Variants in TMEM114 observed in about 807,000 individuals in gnomAD.
TMEM114 encodes the protein transmembrane protein 114.
Under a neutral mutation model 6.2 loss-of-function variants are expected in TMEM114, and 6 were observed. The observed-to-expected ratio is 0.97, with a 90% CI of 0.53 to 1.91. The LOEUF (loss-of-function observed/expected upper bound fraction) is 1.91. Ranked by LOEUF, TMEM114 falls within the 40% of genes most tolerant of loss-of-function variation. The pLI is 0.01. For synonymous variants in TMEM114, 104 were observed against 73.0 expected (o/e 1.42, Z -2.16); for missense variants, 218 against 158.3 (o/e 1.38, Z -2.02).
At chr16:8,528,194 C>A in the TMEM114 span, among the ~76,000 whole-genome samples, 2 of 152,042 alleles carry the variant, frequency 1.3e-5, no homozygotes, top group African/African-American at 4.8e-5. Context: ...AGCCACCATG[C>A]CAGAACTAGT....
intron 2 of TMEM114, among the ~76,000 whole-genome samples, chr16:8,544,910 C>T (rs1036868352): frequency 1.4e-5 from 2 of 146,840 alleles, no homozygotes; most frequent in South Asian, 2.2e-4. Context: ...TACTCTTCTC[C>T]TCAACATCTT....
At chr16:8,541,998 C>A (rs1242047111) in intron 2 of TMEM114, among the ~76,000 whole-genome samples, 1 of 152,160 alleles carries the variant, frequency 6.6e-6, no homozygotes, top group African/African-American at 2.4e-5. Flanking sequence ...CACCACCCTG[C>A]GAGGCAGCTT....
intron 2 of TMEM114, among the ~76,000 whole-genome samples, chr16:8,550,365 C>T (rs926211529): frequency 3.3e-5 from 5 of 152,180 alleles, no homozygotes; most frequent in Admixed American, 1.3e-4. Flanking sequence ...GAATTTTGTT[C>T]GTGTTCTCTG....
At chr16:8,527,994 G>T in the TMEM114 span, among the ~76,000 whole-genome samples, 1 of 152,144 alleles carries the variant, frequency 6.6e-6, no homozygotes, top group Non-Finnish European at 1.5e-5. Context: ...TGCAACCTCT[G>T]CCTCCCAGGC....
intron 2 of TMEM114, among the ~76,000 whole-genome samples, chr16:8,577,719 G>A (rs951269032): frequency 6.6e-6 from 1 of 151,982 alleles, no homozygotes; most frequent in Non-Finnish European, 1.5e-5. Context: ...GAGGAGCTGG[G>A]ACTATAGGCG....
downstream of TMEM114, among the ~76,000 whole-genome samples, chr16:8,534,586 G>T (rs1379525942): frequency 6.6e-6 from 1 of 152,134 alleles, no homozygotes; most frequent in East Asian, 1.9e-4. Context: ...TAATGGGGTG[G>T]TACATCAGAT....
Position 8,542,132 on chromosome 16 carries a change from G to C in TMEM114, n.213-4306C>G, listed in dbSNP as rs560097874. 5.2e-5 allele frequency among the ~76,000 whole-genome samples: 7 copies of C among 134,796 alleles called. No individual in the cohort carries two copies. The South Asian group carries it at 1.0e-3, about 20-fold the overall frequency. 88.4% of individuals were successfully genotyped at this position (134,796 alleles called of 152,430 possible). ...TCACCCTTCCTGGTTGAGATGTTGA[G>C]GATGATTCGTGGGGGGGGGTCCCTT... is the stretch of plus-strand genomic sequence containing the variant. On this transcript the variant is annotated intron_variant and non_coding_transcript_variant, in intron 2 of 2. Coordinates refer to the TMEM114 transcript ENST00000623677.
chr16:8,532,284 T>A, the TMEM114 span, among the ~76,000 whole-genome samples: 1 of 152,178 alleles, frequency 6.6e-6, no homozygotes. Context: ...GCATTTTAAT[T>A]TTCACTCTGC....
chr16:8,570,090 C>A, intron 3 of TMEM114, 85 bp from the exon 4 acceptor site: 1 of 1,478,644 alleles, frequency 6.8e-7, no homozygotes, highest in Non-Finnish European at 9.1e-7. Context: ...CCCAGCCACG[C>A]TGCTCAGCGT....
intron 2 of TMEM114, among the ~76,000 whole-genome samples, chr16:8,588,103 T>G (rs946909985): frequency 6.6e-6 from 1 of 152,034 alleles, no homozygotes. Flanking sequence ...CTGGCTAACA[T>G]TGTGAAACTC....
chr16:8,546,194 G>A (rs1043800931), intron 2 of TMEM114, among the ~76,000 whole-genome samples: 3 of 152,118 alleles, frequency 2.0e-5, no homozygotes, highest in African/African-American at 7.2e-5. Flanking sequence ...CAATCCTGAA[G>A]AACACTTTTA....
chr16:8,556,398 C>G (rs1901009821), intron 2 of TMEM114, among the ~76,000 whole-genome samples: 1 of 152,112 alleles, frequency 6.6e-6, no homozygotes, highest in Admixed American at 6.5e-5. Context: ...CCTTTTCATC[C>G]TTTGGGGATG....
At chr16:8,566,244 G>C (rs117880852), downstream of TMEM114, among the ~76,000 whole-genome samples, 5,070 of 152,150 alleles carry the variant, frequency 0.033, 133 homozygotes, top group South Asian at 0.11. Flanking sequence ...GTGCATGGTG[G>C]TGCGTGCCTG....
At chr16:8,569,445 G>C, downstream of TMEM114, 1 of 1,160,896 alleles carries the variant, frequency 8.6e-7, no homozygotes, top group Non-Finnish European at 1.1e-6. Flanking sequence ...ACATGGGTGA[G>C]GAGGAAATGA....
At chr16:8,530,790 G>C in the TMEM114 span, among the ~76,000 whole-genome samples, 3 of 152,196 alleles carry the variant, frequency 2.0e-5, no homozygotes, top group East Asian at 1.9e-4. Context: ...TTGGGAGGCC[G>C]AGTCAGATGA....
chr16:8,569,120 G>T (rs1293539806), downstream of TMEM114, among the ~76,000 whole-genome samples: 1 of 152,208 alleles, frequency 6.6e-6, no homozygotes, highest in African/African-American at 2.4e-5. Context: ...TGCCCCAGGG[G>T]ACCCGGATGG....
At position 8,572,088 on chromosome 16, in the gene TMEM114, T is replaced by G. The variant is rs188693297; in HGVS notation, c.438A>C (p.Gly146=). Residue 146 remains glycine (G), a splice_region_variant and synonymous_variant, in exon 3 of 4, where the codon GGA becomes GGC. Transcript: ENST00000620492. ...LLLTGILFLF[G]AMVTLAGISV... is the part of the protein sequence containing the mutation. ...GCCCTAGGCAGGGTGGGCACCTACC[T>G]CCAAAGAGGAAGAGAATTCCAGTGA... 2.6e-6 allele frequency: 4 copies of G among 1,544,058 alleles called. No individual in the cohort carries two copies. The East Asian group carries it at 9.8e-5, about 38-fold the overall frequency.
At chr16:8,527,239 C>CTATTAT in the TMEM114 span, among the ~76,000 whole-genome samples, 1 of 152,126 alleles carries the variant, frequency 6.6e-6, no homozygotes, top group Non-Finnish European at 1.5e-5. Flanking sequence ...TAACTATTCC[C>CTATTAT]TCACTGCTCA....
downstream of TMEM114, chr16:8,569,361 T>G: frequency 1.4e-6 from 1 of 723,092 alleles, no homozygotes; most frequent in African/African-American, 1.9e-5. Flanking sequence ...CAGAGAGAGC[T>G]GAACGCATTA....
Sources: gnomAD v4.1 joint callset for allele counts (sites outside exome capture counted in the v4.1 genomes callset) on GRCh38, gnomAD v4.1.1 for gene constraint, MANE v1.5 for transcripts, NCBI Gene and HGNC (gene_info 2026-07-23, HGNC 2026-07-21) for gene names.